Variants in LAMA2 observed in about 807,000 individuals in gnomAD.
LAMA2 encodes the protein laminin subunit alpha 2, also known as laminin subunit alpha-2.
In LAMA2, 269 loss-of-function variants were observed where a neutral mutation model predicts 364.8. The ratio of observed to expected loss-of-function variants is 0.74; its 90% CI spans 0.67 to 0.82. LAMA2 has a LOEUF of 0.82. Ranked by LOEUF, LAMA2 falls within the 40% of genes least tolerant of loss-of-function variation. The probability of loss-of-function intolerance (pLI) is 0.00; values close to 1 mark genes in which losing one functional copy is unlikely to be tolerated. For missense variants in LAMA2, 3,807 were observed against 3,873.2 expected, an observed-to-expected ratio of 0.98 and a Z score of 0.45; for synonymous variants, 1,379 against 1,370.6, an observed-to-expected ratio of 1.01 and a Z score of -0.14.
chr6:129,234,263 T>A (rs1433627499), intron 12 of LAMA2, among the ~76,000 whole-genome samples: 1 of 152,202 alleles, frequency 6.6e-6, no homozygotes, highest in Non-Finnish European at 1.5e-5. Context: ...CTCCAGTAAT[T>A]AATGTCCAAA....
In LAMA2 at chr6:129,365,977, C is replaced by T. The variant is rs751750718; in HGVS notation, c.4718-242C>T. On this transcript the variant is annotated intron_variant, in intron 32 of 64. Coordinates refer to ENST00000421865, the MANE Select transcript of LAMA2 (RefSeq NM_000426.4). ...AATCTATTTGCTCCTCCTCTTTGGT[C>T]CCTCAGTTTATATTATCGCCTCTAT... is the stretch of plus-strand genomic sequence containing the variant. Among the ~76,000 whole-genome samples, 3 of 152,292 alleles carry T rather than the reference C, an allele frequency of 2.0e-5. No individual in the cohort carries two copies. In the East Asian group the frequency reaches 5.8e-4, roughly 29 times the overall value.
intron 17 of LAMA2, 141 bp from the exon 18 acceptor site, chr6:129,279,920 A>G (rs1162433081): frequency 1.5e-5 from 11 of 719,122 alleles, no homozygotes; most frequent in Non-Finnish European, 2.6e-5. Flanking sequence ...GCCAGACCCT[A>G]ATCTCTGTCT....
In LAMA2 at chr6:129,291,613, G is replaced by A. The variant is rs9492297; in HGVS notation, c.2750-1G>A. ...ATCACAGGTCTCTCTTCTCTTTGCA[G>A]CCTGTCGCTGTAATGCCGGTGGCTC... On this transcript the variant is annotated splice_acceptor_variant, in intron 19 of 64. Transcript: ENST00000421865. LOFTEE classifies it high-confidence loss of function. 1 of 1,612,122 alleles carries A rather than the reference G, an allele frequency of 6.2e-7. No homozygotes were observed. The highest frequency in any genetic ancestry group is 8.5e-7 in the Non-Finnish European group (1 of 1,178,222).
chr6:128,898,701 A>G (rs1415025465), intron 1 of LAMA2, among the ~76,000 whole-genome samples: 1 of 152,216 alleles, frequency 6.6e-6, no homozygotes, highest in Non-Finnish European at 1.5e-5. Context: ...AGTAAATCAG[A>G]TTAGATCTTT....
chr6:129,345,470 G>A (rs2114575680), intron 30 of LAMA2, among the ~76,000 whole-genome samples: 1 of 152,188 alleles, frequency 6.6e-6, no homozygotes, highest in Admixed American at 6.5e-5. Flanking sequence ...TACCCTGATT[G>A]GTTAGCAGGA....
At chr6:129,343,412 CT>C (rs906668239) in intron 30 of LAMA2, among the ~76,000 whole-genome samples, 3 of 152,058 alleles carry the variant, frequency 2.0e-5, no homozygotes, top group African/African-American at 7.2e-5. Flanking sequence ...GAAAGCTCCT[CT>C]TTTTTGTTGG....
intron 3 of LAMA2, among the ~76,000 whole-genome samples, chr6:129,089,075 G>A (rs1400947216): frequency 5.9e-5 from 9 of 152,248 alleles, no homozygotes; most frequent in Non-Finnish European, 2.9e-5. Flanking sequence ...ACCTCGGGAG[G>A]CCGAGGCTGG....
At chr6:129,323,181 C>T (rs1212167210) in intron 28 of LAMA2, among the ~76,000 whole-genome samples, 2 of 152,152 alleles carry the variant, frequency 1.3e-5, no homozygotes, top group East Asian at 3.8e-4. Flanking sequence ...ATTACCCAGG[C>T]ATAAAATCTT....
intron 1 of LAMA2, among the ~76,000 whole-genome samples, chr6:128,904,452 CTT>C (rs562812796): frequency 0.14 from 16,379 of 118,882 alleles, 1,258 homozygotes; most frequent in African/African-American, 0.25. Flanking sequence ...TTTTTCCTTT[CTT>C]TTTTTTTTTT....
At chr6:129,110,448 A>G (rs1026718) in intron 4 of LAMA2, among the ~76,000 whole-genome samples, 150,995 of 152,096 alleles carry the variant, frequency 0.99, 74,960 homozygotes, top group Middle Eastern at 1. Context: ...CCTAAGTAGA[A>G]TTTAAGCCTT....
At chr6:129,167,631 T>A (rs1254134107) in intron 9 of LAMA2, among the ~76,000 whole-genome samples, 1 of 152,160 alleles carries the variant, frequency 6.6e-6, no homozygotes, top group Non-Finnish European at 1.5e-5. Context: ...TACGTGTGCA[T>A]GTGTCTTCAT....
chr6:129,192,146 A>G (rs1781554563), intron 11 of LAMA2, among the ~76,000 whole-genome samples: 1 of 152,344 alleles, frequency 6.6e-6, no homozygotes, highest in East Asian at 1.9e-4. Flanking sequence ...TAGAAATTTT[A>G]AAAAGTGGGA....
intron 35 of LAMA2, 137 bp from the exon 36 acceptor site, chr6:129,391,354 T>C (rs1260070341): frequency 2.6e-6 from 2 of 763,836 alleles, no homozygotes; most frequent in Non-Finnish European, 4.7e-6. Context: ...CTTAACTGCC[T>C]CTGTGGTTCC....
In LAMA2 at chr6:129,022,443, G is replaced by A. The variant is rs117446139; in HGVS notation, c.113-27475G>A. Among the ~76,000 whole-genome samples, 1,099 of 152,186 alleles carry A rather than the reference G, an allele frequency of 7.2e-3. 21 individuals are homozygous for A. Among genetic ancestry groups the A allele is most frequent in the East Asian group, 0.072 (372 of 5,170 alleles). ...ACCACACTAACCACTCATTTACTCC[G>A]AAATTAAGTGCTCAGTGATATGCAT... On this transcript the variant is annotated intron_variant, in intron 1 of 64. Transcript: ENST00000421865.
At chr6:129,097,771 T>C (rs563685276) in intron 3 of LAMA2, among the ~76,000 whole-genome samples, 1 of 152,366 alleles carries the variant, frequency 6.6e-6, no homozygotes, top group South Asian at 2.1e-4. Flanking sequence ...ACAAGTTTTC[T>C]AAACTATCAA....
At chr6:129,378,048 T>A (rs892174389) in intron 34 of LAMA2, among the ~76,000 whole-genome samples, 8 of 151,458 alleles carry the variant, frequency 5.3e-5, no homozygotes, top group Admixed American at 5.3e-4. Context: ...TACAAGATAC[T>A]GTGTAAGGCA....
chr6:129,252,637 A>G (rs769642089), intron 14 of LAMA2, among the ~76,000 whole-genome samples: 1 of 152,200 alleles, frequency 6.6e-6, no homozygotes, highest in Non-Finnish European at 1.5e-5. Flanking sequence ...TATAAATTCC[A>G]GGGCACCCCT....
chr6:128,905,931 A>G lies in LAMA2; in HGVS notation c.112+22574A>G, dbSNP rs1783157640. Among the ~76,000 whole-genome samples the G allele has an allele frequency of 2.0e-5, 3 of 152,004 alleles. No individual in the cohort carries two copies. The South Asian group carries it at 6.2e-4, about 32-fold the overall frequency. On this transcript the variant is annotated intron_variant, in intron 1 of 64. Coordinates refer to ENST00000421865, the MANE Select transcript of LAMA2 (RefSeq NM_000426.4). ...TAGTTTGCTGAGAATGATGATTTCCAATTTCATCCATGTCCCTACAAAGGA... is the reference window on the plus strand; with the variant it reads ...TAGTTTGCTGAGAATGATGATTTCCGATTTCATCCATGTCCCTACAAAGGA...
intron 3 of LAMA2, among the ~76,000 whole-genome samples, chr6:129,092,902 G>A (rs1774929861): frequency 6.6e-6 from 1 of 152,022 alleles, no homozygotes; most frequent in African/African-American, 2.4e-5. Context: ...ACTTTGGCTG[G>A]GTCTCTTAAC....
Sources: gnomAD v4.1 joint callset for allele counts (sites outside exome capture counted in the v4.1 genomes callset) on GRCh38, gnomAD v4.1.1 for gene constraint, MANE v1.5 for transcripts, NCBI Gene and HGNC (gene_info 2026-07-23, HGNC 2026-07-21) for gene names.